GRIK2: variants seen among roughly 807,000 people sequenced by gnomAD.
GRIK2 encodes the protein glutamate receptor ionotropic, kainate 2.
GRIK2 carries 32 observed loss-of-function variants against 100.3 expected under a neutral mutation model. That is an observed-to-expected ratio of 0.32 (90% CI 0.24 to 0.43). GRIK2 has a LOEUF of 0.43. GRIK2 is among the 20% of genes least tolerant of loss of function. The pLI is 1.00. For missense variants in GRIK2, 843 were observed against 1,114.9 expected (o/e 0.76, Z 3.47); for synonymous variants, 417 against 389.4 (o/e 1.07, Z -0.83).
At chr6:101,819,666 A>G (rs1461073306) in intron 10 of GRIK2, among the ~76,000 whole-genome samples, 2 of 152,140 alleles carry the variant, frequency 1.3e-5, no homozygotes, top group African/African-American at 2.4e-5. Flanking sequence ...TCACAGTACA[A>G]TTACACATCC....
rs940345668 is a variant in GRIK2, at chr6:101,997,654, G to A, written c.2086-37687G>A. ...TAATCAATTTGTGGTGCCAGTTAAT[G>A]TGTCAAAGTATCTGTCTGTCTATAT... On this transcript the variant is annotated intron_variant, in intron 14 of 16. Coordinates refer to ENST00000369134, the MANE Select transcript of GRIK2 (RefSeq NM_021956.5). Among the ~76,000 whole-genome samples, 5 of 152,110 alleles carry A rather than the reference G, an allele frequency of 3.3e-5. No individual in the cohort carries two copies. In the South Asian group the frequency reaches 1.0e-3, roughly 32 times the overall value.
chr6:101,915,844 G>A (rs1010948827), intron 12 of GRIK2, among the ~76,000 whole-genome samples: 1 of 151,370 alleles, frequency 6.6e-6, no homozygotes, highest in African/African-American at 2.4e-5. Flanking sequence ...TGAAAAATAA[G>A]CAATCTATCC....
At chr6:101,398,476 A>G (rs1275355329) in intron 1 of GRIK2, among the ~76,000 whole-genome samples, 1 of 152,192 alleles carries the variant, frequency 6.6e-6, no homozygotes, top group African/African-American at 2.4e-5. Flanking sequence ...GTCAAAATAA[A>G]AGTATAAATA....
chr6:101,705,100 C>T (rs1773169430), intron 7 of GRIK2, among the ~76,000 whole-genome samples: 1 of 148,880 alleles, frequency 6.7e-6, no homozygotes, highest in East Asian at 2.0e-4. Flanking sequence ...TTATCTCCTT[C>T]TGAGAAACCA....
intron 11 of GRIK2, among the ~76,000 whole-genome samples, chr6:101,888,576 C>T (rs776800282): frequency 6.6e-6 from 1 of 152,022 alleles, no homozygotes; most frequent in Non-Finnish European, 1.5e-5. Context: ...ATACTCTTTC[C>T]AAGCATTTCA....
intron 2 of GRIK2, among the ~76,000 whole-genome samples, chr6:101,504,439 ATT>A (rs1220784454): frequency 6.6e-6 from 1 of 151,924 alleles, no homozygotes; most frequent in Non-Finnish European, 1.5e-5. Context: ...TTTTTTGGTA[ATT>A]TTTTTCAGAT....
rs397885238 is a variant in GRIK2 at position 101,509,157 on chromosome 6, C to CAAAA, written c.115+109782_115+109785dup. ...TGGGTGACAGAGCGAGACTCTGTCTCAAAAAAAAAAAAAAAAAAAATGGAG... is the reference window on the plus strand; with the variant it reads ...TGGGTGACAGAGCGAGACTCTGTCTCAAAAAAAAAAAAAAAAAAAAAAAATGGAG... On this transcript the variant is annotated intron_variant, in intron 2 of 16. Transcript: ENST00000369134. Among the ~76,000 whole-genome samples, 165 of 100,234 alleles carry CAAAA rather than the reference C, an allele frequency of 1.6e-3. 3 individuals carry two copies. Among genetic ancestry groups the CAAAA allele is most frequent in the African/African-American group, 3.0e-3 (84 of 27,550 alleles). The allele number at this position is 100,234 out of a possible 152,430, so 65.8% of individuals were successfully genotyped here.
chr6:101,971,133 T>C lies in GRIK2; in HGVS notation c.2085+42501T>C, dbSNP rs952785803. 8.6e-5 allele frequency among the ~76,000 whole-genome samples: 13 copies of C among 151,226 alleles called. 3 individuals carry two copies. Among genetic ancestry groups the C allele is most frequent in the African/African-American group, 3.2e-4 (13 of 40,714 alleles). On this transcript the variant is annotated intron_variant, in intron 14 of 16. Coordinates refer to ENST00000369134, the MANE Select transcript of GRIK2 (RefSeq NM_021956.5). Reference sequence around the variant, plus strand: ...AATTTTTTCAGAAATTGGAAAATATTTGTAGATCAAATTAAACAGAAAGCC... The same window carrying C: ...AATTTTTTCAGAAATTGGAAAATATCTGTAGATCAAATTAAACAGAAAGCC...
rs529579973 is a variant in GRIK2 at position 102,047,244 on chromosome 6, T to C, written c.2312-8086T>C. ...CATCAAACAGAGAATAGAAAAACCA[T>C]AGGAAAAAAACCCAATAGTCACTTC... On this transcript the variant is annotated intron_variant, in intron 15 of 16. Coordinates refer to ENST00000369134, the MANE Select transcript of GRIK2 (RefSeq NM_021956.5). Among the ~76,000 whole-genome samples, 141 of 150,972 alleles carry C rather than the reference T, an allele frequency of 9.3e-4. 1 individual carries two copies. Among genetic ancestry groups the C allele is most frequent in the Middle Eastern group, 6.9e-3 (2 of 290 alleles).
intron 2 of GRIK2, among the ~76,000 whole-genome samples, chr6:101,588,217 T>C (rs1226582446): frequency 6.6e-6 from 1 of 151,958 alleles, no homozygotes; most frequent in East Asian, 1.9e-4. Flanking sequence ...AATTAAACAA[T>C]TGATCAGGCT....
intron 16 of GRIK2, chr6:102,066,025 T>C: frequency 1.7e-6 from 1 of 599,808 alleles, no homozygotes; most frequent in Non-Finnish European, 2.6e-6. Flanking sequence ...ATTGCAGAAC[T>C]GCATAATTTA....
chr6:101,669,266 G>A (rs1000833778), intron 4 of GRIK2, among the ~76,000 whole-genome samples: 2 of 152,016 alleles, frequency 1.3e-5, no homozygotes, highest in East Asian at 1.9e-4. Context: ...ATTTAAATAG[G>A]CACCAAATTT....
In GRIK2 at chr6:101,799,276, A is replaced by G. The variant is rs1780519946; in HGVS notation, c.952-372A>G. Among the ~76,000 whole-genome samples, 4 of 119,242 alleles carry G rather than the reference A, an allele frequency of 3.4e-5. No individual in the cohort carries two copies. In the South Asian group the frequency reaches 1.2e-3, roughly 37 times the overall value. 78.2% of individuals were successfully genotyped at this position (119,242 alleles called of 152,430 possible). ...CATTAAAAATGTTAGCAATGTACTC[A>G]TTGTGTGTGTGTGTGTGTGTGTGTG... On this transcript the variant is annotated intron_variant, in intron 7 of 16. Coordinates refer to ENST00000369134, the MANE Select transcript of GRIK2 (RefSeq NM_021956.5).
intron 2 of GRIK2, among the ~76,000 whole-genome samples, chr6:101,483,865 C>T (rs377537381): frequency 3.9e-5 from 6 of 152,170 alleles, no homozygotes; most frequent in South Asian, 2.1e-4. Flanking sequence ...CCACCATGCC[C>T]GGACCCTGTG....
intron 7 of GRIK2, among the ~76,000 whole-genome samples, chr6:101,798,042 C>CTT (rs1246612198): frequency 9.8e-5 from 13 of 133,326 alleles, no homozygotes; most frequent in African/African-American, 2.2e-4. Flanking sequence ...GATTTCCACT[C>CTT]TTTTTTTTTT....
At chr6:101,456,513 T>A (rs539681924) in intron 2 of GRIK2, among the ~76,000 whole-genome samples, 1 of 152,208 alleles carries the variant, frequency 6.6e-6, no homozygotes, top group South Asian at 2.1e-4. Context: ...CCAGTAATTA[T>A]CTGAAATAAA....
At chr6:102,020,830 T>G (rs1011583328) in intron 14 of GRIK2, among the ~76,000 whole-genome samples, 2 of 151,904 alleles carry the variant, frequency 1.3e-5, no homozygotes, top group Admixed American at 1.3e-4. Flanking sequence ...TGAGAATTGT[T>G]ATTAATAAGG....
chr6:101,555,347 G>A (rs1490548565), intron 2 of GRIK2, among the ~76,000 whole-genome samples: 1 of 152,070 alleles, frequency 6.6e-6, no homozygotes, highest in Non-Finnish European at 1.5e-5. Context: ...AAGGTTAGTG[G>A]ACCTTATCCC....
At chr6:101,550,711 C>T (rs561493857) in intron 2 of GRIK2, among the ~76,000 whole-genome samples, 3 of 152,154 alleles carry the variant, frequency 2.0e-5, no homozygotes, top group Non-Finnish European at 4.4e-5. Context: ...TTCTAGTCAA[C>T]AGTGAATAGC....
Sources: gnomAD v4.1 joint callset for allele counts (sites outside exome capture counted in the v4.1 genomes callset) on GRCh38, gnomAD v4.1.1 for gene constraint, MANE v1.5 for transcripts, NCBI Gene and HGNC (gene_info 2026-07-23, HGNC 2026-07-21) for gene names.